The following CFAP61 variants were observed in gnomAD, a reference collection of about 807,000 sequenced individuals.
CFAP61 encodes cilia- and flagella-associated protein 61.
A neutral mutation model predicts 135.6 loss-of-function variants in CFAP61; 107 were observed. The observed-to-expected ratio is 0.79, with a 90% CI of 0.67 to 0.93. The LOEUF (loss-of-function observed/expected upper bound fraction) is 0.93. Ranked by LOEUF, CFAP61 falls within the 40% of genes least tolerant of loss-of-function variation. The pLI is 0.00. For synonymous variants in CFAP61, 575 were observed against 578.5 expected (o/e 0.99, Z 0.09); for missense variants, 1,507 against 1,556.2 (o/e 0.97, Z 0.53).
At chr20:20,112,093 A>G (rs562563081) in intron 8 of CFAP61, among the ~76,000 whole-genome samples, 2 of 152,360 alleles carry the variant, frequency 1.3e-5, no homozygotes, top group African/African-American at 4.8e-5. Context: ...ATAACTATCC[A>G]GGATAAGAAG....
intron 2 of CFAP61, among the ~76,000 whole-genome samples, chr20:20,059,352 AG>A (rs2044627619): frequency 1.4e-5 from 2 of 144,416 alleles, no homozygotes; most frequent in African/African-American, 2.5e-5. Flanking sequence ...AAAAAAAAAA[AG>A]GATTAAAGAC....
chr20:20,199,633 T>G, intron 16 of CFAP61, 135 bp from the exon 17 acceptor site: 1 of 868,182 alleles, frequency 1.2e-6, no homozygotes, highest in African/African-American at 1.8e-5. Flanking sequence ...AGTATGTTTG[T>G]TTATTTGCTG....
chr20:20,309,977 C>A (rs2056725172), intron 25 of CFAP61, among the ~76,000 whole-genome samples: 1 of 152,054 alleles, frequency 6.6e-6, no homozygotes, highest in African/African-American at 2.4e-5. Flanking sequence ...GAGGGGTCAA[C>A]CTTATTAATT....
chr20:20,179,060 T>A (rs951349297), intron 13 of CFAP61, among the ~76,000 whole-genome samples: 1 of 152,162 alleles, frequency 6.6e-6, no homozygotes, highest in African/African-American at 2.4e-5. Context: ...ATAAAGGGCA[T>A]CCAGATAGGA....
chr20:20,301,026 A>T (rs983572984), intron 25 of CFAP61, among the ~76,000 whole-genome samples: 1 of 152,166 alleles, frequency 6.6e-6, no homozygotes, highest in Non-Finnish European at 1.5e-5. Context: ...AATAATAAAG[A>T]TTGAGAAACA....
intron 18 of CFAP61, among the ~76,000 whole-genome samples, chr20:20,240,987 GC>G (rs1028554906): frequency 1.3e-5 from 2 of 152,174 alleles, no homozygotes; most frequent in African/African-American, 4.8e-5. Context: ...CAGGTCATGG[GC>G]CCAGCTGCCT....
In CFAP61 at chr20:20,305,105, C is replaced by T. The variant is rs926239539; in HGVS notation, c.3422+6719C>T. Among the ~76,000 whole-genome samples, 8 of 150,190 alleles carry T rather than the reference C, an allele frequency of 5.3e-5. No homozygotes were observed. The South Asian group carries it at 1.1e-3, about 20-fold the overall frequency. ...GACTGCCCTCAGACAGCCCGGCCCTCGCGCCCGCGCCACCACCGCCTCCAC... is the reference window on the plus strand; with the variant it reads ...GACTGCCCTCAGACAGCCCGGCCCTTGCGCCCGCGCCACCACCGCCTCCAC... On this transcript the variant is annotated intron_variant, in intron 25 of 26. Transcript: ENST00000245957.
At chr20:20,165,912 A>G (rs1371423718) in intron 11 of CFAP61, among the ~76,000 whole-genome samples, 1 of 152,304 alleles carries the variant, frequency 6.6e-6, no homozygotes, top group East Asian at 1.9e-4. Flanking sequence ...GTTGCTTTAT[A>G]TTTCTTTTAT....
At chr20:20,128,588 G>A (rs2050259366) in intron 8 of CFAP61, among the ~76,000 whole-genome samples, 1 of 151,626 alleles carries the variant, frequency 6.6e-6, no homozygotes, top group South Asian at 2.1e-4. Context: ...GGGTCTGCGG[G>A]TCCTTTCAAG....
chr20:20,355,887 G>T (rs1421333384), intron 26 of CFAP61, among the ~76,000 whole-genome samples: 6 of 148,460 alleles, frequency 4.0e-5, no homozygotes, highest in Non-Finnish European at 7.4e-5. Context: ...AGGGGAGGTG[G>T]TCACACTGTG....
rs147197543 is a variant in CFAP61 at position 20,341,841 on chromosome 20, G to A, written c.3433G>A (p.Glu1145Lys). The change falls in exon 26 of 27, where the codon GAG becomes AAG. Residue 1145 changes from glutamate to lysine, a missense_variant. By Grantham distance (56) the Glu-to-Lys change is moderately conservative. Coordinates refer to ENST00000245957, the MANE Select transcript of CFAP61 (RefSeq NM_015585.4). ...LITDLYSYFT[E>K]PWCLALFHDR... ...TTCTTTCCTTACCAGCTACTTCACC[G>A]AGCCGTGGTGCCTGGCCCTGTTCCA... 43 of 1,613,116 alleles carry A rather than the reference G, an allele frequency of 2.7e-5. No individual in the cohort carries two copies. Among genetic ancestry groups the A allele is most frequent in the African/African-American group, 6.7e-5 (5 of 74,900 alleles).
chr20:20,164,279 T>C (rs372162010), intron 11 of CFAP61, 51 bp downstream of exon 11: 1 of 1,537,008 alleles, frequency 6.5e-7, no homozygotes, highest in Non-Finnish European at 8.8e-7. Flanking sequence ...TTTTCTGGCA[T>C]TGGTGGCCCA....
At chr20:20,113,966 C>CAAAAAA (rs11456473) in intron 8 of CFAP61, among the ~76,000 whole-genome samples, 4 of 94,568 alleles carry the variant, frequency 4.2e-5, no homozygotes, top group African/African-American at 4.2e-5. Context: ...CATGAGAGCT[C>CAAAAAA]AAAAAAAAAA....
chr20:20,345,548 T>C (rs1321204708), intron 26 of CFAP61, among the ~76,000 whole-genome samples: 1 of 152,188 alleles, frequency 6.6e-6, no homozygotes, highest in East Asian at 1.9e-4. Context: ...CTTCCACATG[T>C]AAAGAAAGGA....
intron 9 of CFAP61, among the ~76,000 whole-genome samples, chr20:20,149,877 T>C (rs1275418260): frequency 2.6e-5 from 4 of 152,244 alleles, no homozygotes; most frequent in African/African-American, 9.6e-5. Context: ...TGGGAACCAC[T>C]GCAGAAAGGA....
At chr20:20,103,305 T>C (rs742698) in intron 8 of CFAP61, among the ~76,000 whole-genome samples, 103,015 of 151,986 alleles carry the variant, frequency 0.68, 35,309 homozygotes, top group Middle Eastern at 0.77. Flanking sequence ...TGTGTATGTT[T>C]TCATAGCTAC....
chr20:20,092,592 A>C (rs1402983679), intron 7 of CFAP61, among the ~76,000 whole-genome samples: 2 of 151,210 alleles, frequency 1.3e-5, no homozygotes, highest in African/African-American at 4.9e-5. Context: ...TACCATGCCA[A>C]TGACTTGGAT....
intron 8 of CFAP61, among the ~76,000 whole-genome samples, chr20:20,125,566 C>T (rs1453638725): frequency 6.6e-6 from 1 of 151,696 alleles, no homozygotes; most frequent in Non-Finnish European, 1.5e-5. Flanking sequence ...TTTTATTCCA[C>T]TGTGGTCTGA....
intron 6 of CFAP61, chr20:20,085,059 T>G: frequency 1.0e-6 from 1 of 967,916 alleles, no homozygotes; most frequent in Non-Finnish European, 1.2e-6. Flanking sequence ...TAAAGTAACT[T>G]TGCTTTTCGC....
Sources: allele counts gnomAD v4.1 joint callset (sites outside exome capture counted in the v4.1 genomes callset), GRCh38; gene constraint gnomAD v4.1.1; transcripts MANE v1.5; gene names NCBI Gene and HGNC (gene_info 2026-07-23, HGNC 2026-07-21).